The following GATA3 variants were observed in gnomAD, a reference collection of about 807,000 sequenced individuals.
GATA3 encodes GATA binding protein 3.
GATA3 carries 6 observed loss-of-function variants against 36.0 expected under a neutral mutation model. The ratio of observed to expected loss-of-function variants is 0.17; its 90% CI spans 0.09 to 0.33. The LOEUF (loss-of-function observed/expected upper bound fraction) is 0.33, where lower values mean the gene tolerates loss of function less well. GATA3 is among the 10% of genes least tolerant of loss of function. The pLI is 1.00. For synonymous variants in GATA3, 326 were observed against 273.0 expected (o/e 1.19, Z -1.92); for missense variants, 514 against 610.1 (o/e 0.84, Z 1.66).
rs1588377948 is a variant in GATA3 at position 8,058,488 on chromosome 10, C to CG, written c.431dup (p.His145ProfsTer159). ...CCCCCGGCCTCGTCCTCCTCCTTGTCGGGGGGCCACGCCAGCCCGCACCTC... is the reference window on the plus strand; with the variant it reads ...CCCCCGGCCTCGTCCTCCTCCTTGTCGGGGGGGCCACGCCAGCCCGCACCTC... On this transcript the variant is annotated frameshift_variant, in exon 3 of 6. Transcript: ENST00000379328. LOFTEE classifies it high-confidence loss of function. 1.2e-6 allele frequency: 2 copies of CG among 1,612,262 alleles called. No individual in the cohort carries two copies. Among genetic ancestry groups the CG allele is most frequent in the Non-Finnish European group, 8.5e-7 (1 of 1,179,732 alleles).
intron 3 of GATA3, among the ~76,000 whole-genome samples, chr10:8,059,236 C>G (rs1008037100): frequency 6.6e-6 from 1 of 152,180 alleles, no homozygotes; most frequent in Non-Finnish European, 1.5e-5. Flanking sequence ...CCTCCTCAAG[C>G]CTAAACAAAC....
intron 5 of GATA3, among the ~76,000 whole-genome samples, chr10:8,073,144 CAAAAAAAAAAAAA>C (rs11335485): frequency 1.1e-4 from 8 of 69,980 alleles, no homozygotes; most frequent in Non-Finnish European, 1.0e-4. Flanking sequence ...GACTTCGTCT[CAAAAAAAAAAAAA>C]AAAAAAAAAA....
chr10:8,070,653 T>C (rs11567947), intron 5 of GATA3, among the ~76,000 whole-genome samples: 8 of 152,194 alleles, frequency 5.3e-5, no homozygotes, highest in South Asian at 4.2e-4. Flanking sequence ...TACCTGGGAA[T>C]TGGGGAGGAA....
intron 3 of GATA3, among the ~76,000 whole-genome samples, chr10:8,060,274 C>A (rs958193181): frequency 6.6e-6 from 1 of 152,172 alleles, no homozygotes; most frequent in Non-Finnish European, 1.5e-5. Flanking sequence ...ACAGAAGAAC[C>A]CAGACCTGCA....
At chr10:8,050,764 C>A (rs1250010356), upstream of GATA3, 2 of 306,440 alleles carry the variant, frequency 6.5e-6, no homozygotes, top group Admixed American at 8.4e-5. Context: ...CCGACGATTT[C>A]GCGCGCGCTC....
rs11567893 is a variant in GATA3, at chr10:8,057,834, C to G, written c.242-471C>G. Among the ~76,000 whole-genome samples, 606 of 152,162 alleles carry G rather than the reference C, an allele frequency of 4.0e-3. 9 individuals are homozygous for G. Among genetic ancestry groups the G allele is most frequent in the African/African-American group, 0.014 (579 of 41,526 alleles). ...GAGCAGTTGTGTGGCCGGGCTCCAT[C>G]CTTCAGGCCTCCTCACTCACAGCCG... On this transcript the variant is annotated intron_variant, in intron 2 of 5. Transcript: ENST00000379328.
At chr10:8,049,691 C>T (rs1273388320), upstream of GATA3, among the ~76,000 whole-genome samples, 1 of 152,176 alleles carries the variant, frequency 6.6e-6, no homozygotes, top group East Asian at 1.9e-4. Flanking sequence ...CCAGTAGAAA[C>T]CCTTGCGCGG....
rs575091 is a variant in GATA3 at position 8,064,084 on chromosome 10, C to T, written c.870C>T (p.Leu290=). The T allele has an allele frequency of 3.9e-5, 63 of 1,614,092 alleles. No homozygotes were observed. The highest frequency in any genetic ancestry group is 5.0e-5 in the Non-Finnish European group (59 of 1,180,018). The stretch of plus-strand genomic sequence containing the variant: ...ACTACCTGTGCAACGCCTGCGGGCT[C>T]TATCACAAAATGAACGGACAGAACC... The part of the protein sequence containing the change: ...TGHYLCNACG[L]YHKMNGQNRP... Residue 290 remains leucine, a synonymous_variant, in exon 4 of 6, where the codon CTC becomes CTT. Transcript: ENST00000379328.
intron 2 of GATA3, among the ~76,000 whole-genome samples, chr10:8,057,524 A>G (rs35890258): frequency 2.9e-4 from 44 of 152,304 alleles, no homozygotes; most frequent in African/African-American, 8.7e-4. Flanking sequence ...CATGGGGCTT[A>G]CGTTATCTCC....
At position 8,069,611 on chromosome 10, in the gene GATA3, G is replaced by C. The variant is rs2131512486; in HGVS notation, c.1050+13G>C. 2 of 1,613,926 alleles carry C rather than the reference G, an allele frequency of 1.2e-6. No homozygotes were observed. The highest frequency in any genetic ancestry group is 1.7e-6 in the Non-Finnish European group (2 of 1,179,932). On this transcript the variant is annotated intron_variant, in intron 5 of 5. Coordinates refer to ENST00000379328, the MANE Select transcript of GATA3 (RefSeq NM_001002295.2). ...CAAGCTTCACAATGTAAGTGGACTG[G>C]GATCAGCAAGAACAGGGCTCGCTTC...
Position 8,054,712 on chromosome 10 carries a change from C to T in GATA3, c.-549C>T, listed in dbSNP as rs1221921775. 6.8e-6 allele frequency: 1 copy of T among 147,124 alleles called. No homozygotes were observed. The highest frequency in any genetic ancestry group is 1.5e-5 in the Non-Finnish European group (1 of 67,270). The allele number at this position is 147,124 out of a possible 1,614,324, so 9.1% of individuals were successfully genotyped here. On this transcript the variant is annotated 5_prime_UTR_variant, in exon 1 of 6. Coordinates refer to ENST00000379328, the MANE Select transcript of GATA3 (RefSeq NM_001002295.2). The surrounding 1 kb of genome is among the most constrained non-coding windows in gnomAD (Gnocchi z 4.2). ...CGAACACTGAGCTGCCTGGCGCCGT[C>T]TTGATACTTTCAGAAAGAATGCATT... is the stretch of plus-strand genomic sequence containing the variant.
At chr10:8,054,219 C>T (rs1214171105), upstream of GATA3, among the ~76,000 whole-genome samples, 1 of 152,216 alleles carries the variant, frequency 6.6e-6, no homozygotes, top group African/African-American at 2.4e-5. This position sits in a 1 kb window ranked among gnomAD's most constrained non-coding sequence, Gnocchi z 4.2. Flanking sequence ...GATGCGCTCT[C>T]CCAAACACCC....
intron 4 of GATA3, among the ~76,000 whole-genome samples, chr10:8,064,511 T>G (rs1832804310): frequency 6.6e-6 from 1 of 152,160 alleles, no homozygotes; most frequent in Admixed American, 6.5e-5. Flanking sequence ...GAGCACCGTT[T>G]GACAGATAGA....
chr10:8,075,107 G>A lies in GATA3; in HGVS notation c.*1084G>A. 4.3e-6 allele frequency: 1 copy of A among 233,006 alleles called. No individual in the cohort carries two copies. Among genetic ancestry groups the A allele is most frequent in the Non-Finnish European group, 8.5e-6 (1 of 117,864 alleles). 14.4% of individuals were successfully genotyped at this position (233,006 alleles called of 1,614,324 possible). On this transcript the variant is annotated 3_prime_UTR_variant, in exon 6 of 6. Coordinates refer to ENST00000379328, the MANE Select transcript of GATA3 (RefSeq NM_001002295.2). ...ATCGGCCCGGCTGCCTCTTCGCCCTGTCGTGTTCTGTGTTAGTGATCACTG... is the reference window on the plus strand; with the variant it reads ...ATCGGCCCGGCTGCCTCTTCGCCCTATCGTGTTCTGTGTTAGTGATCACTG...
rs766774125 is a variant in GATA3 at position 8,058,552 on chromosome 10, G to A, written c.489G>A (p.Pro163=). 22 of 1,580,640 alleles carry A rather than the reference G, an allele frequency of 1.4e-5. No homozygotes were observed. Among genetic ancestry groups the A allele is most frequent in the South Asian group, 9.9e-5 (9 of 90,544 alleles). The change falls in exon 3 of 6, where the codon CCG becomes CCA. Residue 163 remains proline, a synonymous_variant. Transcript: ENST00000379328. The stretch of plus-strand genomic sequence containing the variant: ...CCACCCCGCCGAAGGACGTCTCCCC[G>A]GACCCATCGCTGTCCACCCCAGGCT... ...FPPTPPKDVS[P]DPSLSTPGSA... is the part of the protein sequence containing the mutation.
intron 2 of GATA3, among the ~76,000 whole-genome samples, chr10:8,057,833 T>C (rs1169757393): frequency 6.6e-6 from 1 of 151,170 alleles, no homozygotes; most frequent in African/African-American, 2.4e-5. Context: ...CCGGGCTCCA[T>C]CCTTCAGGCC....
At chr10:8,060,501 A>G (rs1456142699) in intron 3 of GATA3, among the ~76,000 whole-genome samples, 1 of 150,882 alleles carries the variant, frequency 6.6e-6, no homozygotes, top group Admixed American at 6.6e-5. Context: ...AGACCTATGC[A>G]TTTTGAGGTT....
chr10:8,071,967 A>G (rs903168769), intron 5 of GATA3, among the ~76,000 whole-genome samples: 6 of 152,150 alleles, frequency 3.9e-5, no homozygotes, highest in Non-Finnish European at 7.3e-5. Flanking sequence ...GTGTATCTGG[A>G]CATTATCTTG....
intron 2 of GATA3, 137 bp from the exon 3 acceptor site, chr10:8,058,167 GA>G: frequency 2.8e-5 from 1 of 36,304 alleles, no homozygotes; most frequent in Non-Finnish European, 5.9e-5. Context: ...CCGCCAGGAT[GA>G]GAGAGTGGGC....
Sources: gnomAD v4.1 joint callset for allele counts (sites outside exome capture counted in the v4.1 genomes callset) on GRCh38, gnomAD v4.1.1 for gene constraint, Gnocchi (gnomAD v3.1) non-coding constraint, MANE v1.5 for transcripts, NCBI Gene and HGNC (gene_info 2026-07-23, HGNC 2026-07-21) for gene names.